The following ARHGEF40 variants were observed in gnomAD, a reference collection of about 807,000 sequenced individuals.
The protein encoded by ARHGEF40 is Rho guanine nucleotide exchange factor 40.
In ARHGEF40, 98 loss-of-function variants were observed where a neutral mutation model predicts 165.9. The ratio of observed to expected loss-of-function variants is 0.59; its 90% confidence interval spans 0.50 to 0.70. The LOEUF (loss-of-function observed/expected upper bound fraction) is 0.70, where lower values mean the gene tolerates loss of function less well. ARHGEF40 is among the 30% of genes least tolerant of loss of function. The pLI is 0.00. For missense variants in ARHGEF40, 1,815 were observed against 1,968.0 expected (o/e 0.92, Z 1.47); for synonymous variants, 792 against 814.3 (o/e 0.97, Z 0.47).
rs1221003477 is a variant in ARHGEF40, at chr14:21,089,097, G to A, written c.*89G>A. The stretch of plus-strand genomic sequence containing the variant: ...AGTGGGGCATAATGGAGCCCTGGGC[G>A]ATCGCTGAATTTCTTCCCTCTGCTT... On this transcript the variant is annotated 3_prime_UTR_variant, in exon 24 of 24. Transcript: ENST00000298694. The A allele has an allele frequency of 2.4e-5, 12 of 499,610 alleles. No individual in the cohort carries two copies. Among genetic ancestry groups the A allele is most frequent in the African/African-American group, 7.8e-5 (4 of 51,068 alleles). The allele number at this position is 499,610 out of a possible 1,614,324, so 30.9% of individuals were successfully genotyped here. A position where few individuals can be genotyped will look rare whatever the true frequency, so the allele number is the denominator to read the frequency against.
chr14:21,084,765 G>A lies in ARHGEF40; in HGVS notation c.3802G>A (p.Glu1268Lys), dbSNP rs1336197664. The A allele has an allele frequency of 6.2e-7, 1 of 1,613,592 alleles. No individual in the cohort carries two copies. The highest frequency in any genetic ancestry group is 2.2e-5 in the East Asian group (1 of 44,882). The change falls in exon 18 of 24, where the codon GAG becomes AAG. Residue 1268 changes from glutamate to lysine, a missense_variant. Coordinates refer to ENST00000298694, the MANE Select transcript of ARHGEF40 (RefSeq NM_018071.5). ...TTCCTTTCTCCAGATAGATCTGAAG[G>A]AGCAGGGACAGCTCTTGCATCGAGA... ...AVRGCEIDLK[E>K]QGQLLHRDPF...
chr14:21,088,072 C>G lies in ARHGEF40; in HGVS notation c.4492C>G (p.Arg1498Gly). ...GAGCAGCACTCCCACCCTGGCCAGTCGAGGGATCTTAGGGCTATCCCGACA... is the reference window on the plus strand; with the variant it reads ...GAGCAGCACTCCCACCCTGGCCAGTGGAGGGATCTTAGGGCTATCCCGACA... The part of the protein sequence containing the change: ...PGSSTPTLAS[R>G]GILGLSRQSH... The change falls in exon 22 of 24, where the codon CGA (arginine) becomes GGA (glycine). Residue 1498 changes from arginine (R) to glycine (G), a missense_variant. By Grantham distance (125) the Arg-to-Gly change is moderately radical. Coordinates refer to ENST00000298694, the MANE Select transcript of ARHGEF40 (RefSeq NM_018071.5). 6.2e-7 allele frequency: 1 copy of G among 1,613,510 alleles called. No homozygotes were observed. Among genetic ancestry groups the G allele is most frequent in the Non-Finnish European group, 8.5e-7 (1 of 1,179,712 alleles).
chr14:21,079,074 G>A lies in ARHGEF40; in HGVS notation c.2373+64G>A, dbSNP rs114478799. 1.6e-3 allele frequency: 2,555 copies of A among 1,554,914 alleles called. 25 individuals carry two copies. In the African/African-American group the frequency reaches 0.023, roughly 14 times the overall value. ...GAGTGTGGCCTCCAGCACCTTTCCC[G>A]TTGGTACTTATAGTTGATGGTGTTC... On this transcript the variant is annotated intron_variant, in intron 11 of 23. Transcript: ENST00000298694.
chr14:21,064,175 C>T, the ARHGEF40 span, among the ~76,000 whole-genome samples: 4 of 152,062 alleles, frequency 2.6e-5, no homozygotes, highest in Admixed American at 2.0e-4. Context: ...ATTCAAAGTG[C>T]GGAGGAGTAC....
Position 21,070,997 on chromosome 14 carries a change from TG to T in ARHGEF40, c.3+605del, listed in dbSNP as rs368639613. On this transcript the variant is annotated intron_variant, in intron 1 of 23. Coordinates refer to ENST00000298694, the MANE Select transcript of ARHGEF40 (RefSeq NM_018071.5). The surrounding 1 kb of genome is among the most constrained non-coding windows in gnomAD (Gnocchi z 4.7). ...CTGCCTCAGGATAGTTGGGGGTGCT[TG>T]GGGGGGAGCTCACAGTACCAGGGGG... 6.1e-5 allele frequency: 50 copies of T among 824,622 alleles called. No homozygotes were observed. The highest frequency in any genetic ancestry group is 2.1e-4 in the Admixed American group (9 of 42,730). The allele number at this position is 824,622 out of a possible 1,614,324, so 51.1% of individuals were successfully genotyped here.
At chr14:21,078,081 C>A in intron 8 of ARHGEF40, 96 bp from the exon 9 acceptor site, 1 of 1,088,464 alleles carries the variant, frequency 9.2e-7, no homozygotes, top group African/African-American at 1.6e-5. Flanking sequence ...AGCATTGCCT[C>A]CATAAAAGTC....
chr14:21,078,941 G>T lies in ARHGEF40; in HGVS notation c.2304G>T (p.Gln768His). ...LYQEVDEAIH[Q>H]LVRLSNLHVQ... ...AGGAAGTGGACGAGGCCATTCACCA[G>T]CTTGTGCGCCTCTCCAACCTGCACG... The change falls in exon 11 of 24, where the codon CAG becomes CAT. Residue 768 changes from glutamine to histidine, a missense_variant. Physicochemically the swap from Gln to His is conservative, Grantham distance 24. Transcript: ENST00000298694. 6.2e-7 allele frequency: 1 copy of T among 1,614,232 alleles called. No homozygotes were observed. Among genetic ancestry groups the T allele is most frequent in the Non-Finnish European group, 8.5e-7 (1 of 1,180,014 alleles).
chr14:21,070,521 C>T lies in ARHGEF40; in HGVS notation c.3+122C>T, dbSNP rs911444344. Reference sequence around the variant, plus strand: ...CGGACTGTTCGGCCCCTCTGGGACTCTCCTCCCTCCCATCCCCCCTTCTTC... The same window carrying T: ...CGGACTGTTCGGCCCCTCTGGGACTTTCCTCCCTCCCATCCCCCCTTCTTC... On this transcript the variant is annotated intron_variant, in intron 1 of 23. Transcript: ENST00000298694. The surrounding 1 kb of genome is among the most constrained non-coding windows in gnomAD (Gnocchi z 4.7). The T allele has an allele frequency of 3.4e-6, 4 of 1,189,734 alleles. No homozygotes were observed. Among genetic ancestry groups the T allele is most frequent in the Non-Finnish European group, 4.5e-6 (4 of 892,350 alleles). 73.7% of individuals were successfully genotyped at this position (1,189,734 alleles called of 1,614,324 possible).
rs868329343 is a variant in ARHGEF40 at position 21,082,195 on chromosome 14, G to A, written c.3252-49G>A. 4 of 1,576,532 alleles carry A rather than the reference G, an allele frequency of 2.5e-6. No homozygotes were observed. The Middle Eastern group carries it at 6.7e-4, about 266-fold the overall frequency. ...GGAAAAGAAGATGACATTGTTGGGG[G>A]TACTGGCTCCCTCCCACACCTCCTC... On this transcript the variant is annotated intron_variant, in intron 14 of 23. Transcript: ENST00000298694.
At chr14:21,071,806 G>C (rs1007823520) in intron 1 of ARHGEF40, among the ~76,000 whole-genome samples, 1 of 152,180 alleles carries the variant, frequency 6.6e-6, no homozygotes. Context: ...GCGTCCGCCT[G>C]GTCCCGGGAA....
intron 10 of ARHGEF40, 120 bp from the exon 11 acceptor site, chr14:21,078,764 C>T: frequency 7.1e-7 from 1 of 1,416,632 alleles, no homozygotes; most frequent in Non-Finnish European, 9.6e-7. Context: ...GGGTTCAGCC[C>T]ATGCTTTTGA....
At position 21,074,701 on chromosome 14, in the gene ARHGEF40, C is replaced by A. The variant is rs766088609; in HGVS notation, c.971C>A (p.Ala324Asp). The A allele has an allele frequency of 1.9e-6, 3 of 1,591,206 alleles. No homozygotes were observed. Among genetic ancestry groups the A allele is most frequent in the South Asian group, 1.1e-5 (1 of 88,538 alleles). ...CCTGAGTCTCCCCCAGGAGCTGAGGCTGTCCCAGAGGCAGCAGTCTTGGAG... is the reference window on the plus strand; with the variant it reads ...CCTGAGTCTCCCCCAGGAGCTGAGGATGTCCCAGAGGCAGCAGTCTTGGAG... ...ASPESPPGAE[A>D]VPEAAVLEVS... is the part of the protein sequence containing the mutation. Residue 324 changes from alanine (A) to aspartate (D), a missense_variant, in exon 3 of 24, where the codon GCT becomes GAT. Transcript: ENST00000298694. This position sits in a 1 kb window ranked among gnomAD's most constrained non-coding sequence, Gnocchi z 4.8.
chr14:21,073,817 G>T lies in ARHGEF40; in HGVS notation c.202-115G>T, dbSNP rs1235995527. 14 of 1,249,374 alleles carry T rather than the reference G, an allele frequency of 1.1e-5. No individual in the cohort carries two copies. Among genetic ancestry groups the T allele is most frequent in the Non-Finnish European group, 1.5e-5 (14 of 907,186 alleles). 77.4% of individuals were successfully genotyped at this position (1,249,374 alleles called of 1,614,324 possible). A position where few individuals can be genotyped will look rare whatever the true frequency, so the allele number is the denominator to read the frequency against. On this transcript the variant is annotated intron_variant, in intron 2 of 23. Transcript: ENST00000298694. The surrounding 1 kb of genome is among the most constrained non-coding windows in gnomAD (Gnocchi z 4.6). ...AATCTCCCCTCCTGCTCTCCTGAGA[G>T]TATAACCTTCCAGGCATAAGGCTGG... is the stretch of plus-strand genomic sequence containing the variant.
the ARHGEF40 span, among the ~76,000 whole-genome samples, chr14:21,063,775 G>T: frequency 6.6e-6 from 1 of 152,200 alleles, no homozygotes; most frequent in East Asian, 1.9e-4. Flanking sequence ...AAGGGCTGGG[G>T]GTAGGAAAAT....
intron 8 of ARHGEF40, 30 bp from the exon 9 acceptor site, chr14:21,078,144 ATCC>A (rs1887575661): frequency 6.3e-7 from 1 of 1,583,770 alleles, no homozygotes; most frequent in East Asian, 2.2e-5. Context: ...TTAAACTCTG[ATCC>A]TCAACTCCAT....
At position 21,072,859 on chromosome 14, in the gene ARHGEF40, G is replaced by A. The variant is rs1427062555; in HGVS notation, c.4-186G>A. Among the ~76,000 whole-genome samples the A allele has an allele frequency of 6.6e-6, 1 of 152,212 alleles. No homozygotes were observed. The highest frequency in any genetic ancestry group is 2.1e-4 in the South Asian group (1 of 4,834). The stretch of plus-strand genomic sequence containing the variant: ...GAGTGTTGAGCGCCCTGCCAGGTTT[G>A]TGCACTCTGGCCCAGCCCCACTCCT... On this transcript the variant is annotated intron_variant, in intron 1 of 23. Coordinates refer to ENST00000298694, the MANE Select transcript of ARHGEF40 (RefSeq NM_018071.5). This position sits in a 1 kb window ranked among gnomAD's most constrained non-coding sequence, Gnocchi z 4.1.
intron 8 of ARHGEF40, among the ~76,000 whole-genome samples, chr14:21,077,279 A>ATT (rs143561266): frequency 0.15 from 16,070 of 108,398 alleles, 1,414 homozygotes; most frequent in Admixed American, 0.26. Flanking sequence ...TAGTTTTTGT[A>ATT]TTTTTTTTTT....
upstream of ARHGEF40, among the ~76,000 whole-genome samples, chr14:21,069,138 C>T (rs58377090): frequency 0.038 from 5,773 of 152,314 alleles, 110 homozygotes; most frequent in South Asian, 0.077. Flanking sequence ...GCGGGGCTTC[C>T]CGGTGCCTGC....
upstream of ARHGEF40, among the ~76,000 whole-genome samples, chr14:21,069,944 A>G (rs1390496697): frequency 6.6e-6 from 1 of 152,196 alleles, no homozygotes; most frequent in Non-Finnish European, 1.5e-5. Context: ...CAGCCTTTGG[A>G]GCATCCCTTG....
Sources: allele counts gnomAD v4.1 joint callset (sites outside exome capture counted in the v4.1 genomes callset), GRCh38; gene constraint gnomAD v4.1.1; non-coding constraint Gnocchi (gnomAD v3.1); transcripts MANE v1.5; gene names NCBI Gene and HGNC (gene_info 2026-07-23, HGNC 2026-07-21).